Variants in OR1D2 observed in about 807,000 individuals in gnomAD.
OR1D2 encodes the protein olfactory receptor family 1 subfamily D member 2, also known as olfactory receptor 1D2.
For synonymous variants in OR1D2, 157 were observed against 153.9 expected (o/e 1.02, Z -0.15); for missense variants, 357 against 376.1 (o/e 0.95, Z 0.42).
At chr17:3,095,210 A>G (rs1490685209) in intron 1 of OR1D2, among the ~76,000 whole-genome samples, 2 of 152,154 alleles carry the variant, frequency 1.3e-5, no homozygotes, top group Non-Finnish European at 2.9e-5. Flanking sequence ...TAGACACATC[A>G]TAGTAAAAAG....
chr17:3,101,647 A>G (rs1421855622), intron 1 of OR1D2, among the ~76,000 whole-genome samples: 2 of 152,184 alleles, frequency 1.3e-5, no homozygotes, highest in East Asian at 3.9e-4. Flanking sequence ...CCTGCTCAAC[A>G]TAGTATTGGA....
rs1021802152 is a variant in OR1D2, at chr17:3,091,509, A to C, written c.*549T>G. Reference sequence around the variant, plus strand: ...ACTTCCCCGAGTAGACTGTGACCTCACATTTGTAACCCAGTTTGAGGCCTC... The same window carrying C: ...ACTTCCCCGAGTAGACTGTGACCTCCCATTTGTAACCCAGTTTGAGGCCTC... On this transcript the variant is annotated 3_prime_UTR_variant, in exon 2 of 2. Coordinates refer to ENST00000641833, the MANE Select transcript of OR1D2 (RefSeq NM_002548.3). The C allele has an allele frequency of 4.6e-5, 7 of 153,154 alleles. No individual in the cohort carries two copies. Among genetic ancestry groups the C allele is most frequent in the African/African-American group, 1.7e-4 (7 of 41,450 alleles). The allele number at this position is 153,154 out of a possible 1,614,324, so 9.5% of individuals were successfully genotyped here. A position where few individuals can be genotyped will look rare whatever the true frequency, so the allele number is the denominator to read the frequency against.
rs2047805719 is a variant in OR1D2, at chr17:3,091,221, T to A, written c.*837A>T. Reference sequence around the variant, plus strand: ...GGTGGATGAGAGATACAACTGTCGATTCCACCATCTTGTTGACATCACTCC... The same window carrying A: ...GGTGGATGAGAGATACAACTGTCGAATCCACCATCTTGTTGACATCACTCC... On this transcript the variant is annotated 3_prime_UTR_variant, in exon 2 of 2. Transcript: ENST00000641833. 2 of 152,210 alleles carry A rather than the reference T, an allele frequency of 1.3e-5. No homozygotes were observed. Among genetic ancestry groups the A allele is most frequent in the Non-Finnish European group, 2.9e-5 (2 of 68,042 alleles). The allele number at this position is 152,210 out of a possible 1,614,324, so 9.4% of individuals were successfully genotyped here. A position where few individuals can be genotyped will look rare whatever the true frequency, so the allele number is the denominator to read the frequency against.
chr17:3,096,550 G>A (rs1450142469), intron 1 of OR1D2, among the ~76,000 whole-genome samples: 6 of 152,164 alleles, frequency 3.9e-5, no homozygotes, highest in African/African-American at 1.4e-4. Context: ...ATGGCTTGAG[G>A]CCAAGAGTTC....
In OR1D2 at chr17:3,092,661, G is replaced by T. The variant is rs761679326; in HGVS notation, c.336C>A (p.Asn112Lys). ...CATATGCCATCACAGCCAGGATGAG[G>T]TTGTCCAGGGCCACCAAGGAGACCA... ...YFLVSLVALDNLILAVMAYDR... is the reference protein window; with the variant it reads ...YFLVSLVALDKLILAVMAYDR... Residue 112 changes from asparagine to lysine, a missense_variant, in exon 2 of 2, where the codon AAC becomes AAA. Coordinates refer to ENST00000641833, the MANE Select transcript of OR1D2 (RefSeq NM_002548.3). 2 of 1,614,030 alleles carry T rather than the reference G, an allele frequency of 1.2e-6. No individual in the cohort carries two copies. Among genetic ancestry groups the T allele is most frequent in the Non-Finnish European group, 1.7e-6 (2 of 1,180,010 alleles).
At chr17:3,102,468 C>T (rs1000648330) in intron 1 of OR1D2, among the ~76,000 whole-genome samples, 4 of 152,118 alleles carry the variant, frequency 2.6e-5, no homozygotes, top group African/African-American at 9.7e-5. Context: ...TACATACATA[C>T]CTACGGTGCT....
intron 1 of OR1D2, among the ~76,000 whole-genome samples, 151 bp downstream of exon 1, chr17:3,103,948 T>C (rs1307926656): frequency 6.6e-6 from 1 of 152,184 alleles, no homozygotes; most frequent in East Asian, 1.9e-4. Flanking sequence ...AAGGGATTGT[T>C]CTATTACCTT....
At chr17:3,103,191 G>A (rs4790427) in intron 1 of OR1D2, among the ~76,000 whole-genome samples, 38,493 of 152,038 alleles carry the variant, frequency 0.25, 7,306 homozygotes, top group African/African-American at 0.53. Flanking sequence ...GAACTCCCAG[G>A]GAAATTGAGA....
chr17:3,092,129 T>G lies in OR1D2; in HGVS notation c.868A>C (p.Ser290Arg), dbSNP rs778980568. 9 of 1,614,050 alleles carry G rather than the reference T, an allele frequency of 5.6e-6. No individual in the cohort carries two copies. The East Asian group carries it at 1.8e-4, about 32-fold the overall frequency. ...VTPMMNPFIYSLRNKDMHGAL... is the reference protein window; with the variant it reads ...VTPMMNPFIYRLRNKDMHGAL... ...CCATGCATGTCCTTGTTCCTCAGGCTGTAGATGAAGGGATTCATCATGGGT... is the reference window on the plus strand; with the variant it reads ...CCATGCATGTCCTTGTTCCTCAGGCGGTAGATGAAGGGATTCATCATGGGT... The change falls in exon 2 of 2, where the codon AGC becomes CGC. Residue 290 changes from serine to arginine, a missense_variant. Coordinates refer to ENST00000641833, the MANE Select transcript of OR1D2 (RefSeq NM_002548.3).
At position 3,092,001 on chromosome 17, in the gene OR1D2, A is replaced by G; in HGVS notation, c.*57T>C. On this transcript the variant is annotated 3_prime_UTR_variant, in exon 2 of 2. Coordinates refer to ENST00000641833, the MANE Select transcript of OR1D2 (RefSeq NM_002548.3). ...TGTATAACACACAGGACAATCCCTT[A>G]CATAGGGTGAAGGATATTCCTAGTC... 2.3e-6 allele frequency: 3 copies of G among 1,307,274 alleles called. No homozygotes were observed. Among genetic ancestry groups the G allele is most frequent in the South Asian group, 1.3e-5 (1 of 74,972 alleles). The allele number at this position is 1,307,274 out of a possible 1,614,324, so 81.0% of individuals were successfully genotyped here.
At chr17:3,101,006 G>A (rs2047872734) in intron 1 of OR1D2, among the ~76,000 whole-genome samples, 1 of 152,092 alleles carries the variant, frequency 6.6e-6, no homozygotes, top group African/African-American at 2.4e-5. Flanking sequence ...CCAATAACAA[G>A]TTCTGAAATT....
rs548903654 is a variant in OR1D2 at position 3,090,820 on chromosome 17, A to ATTTTTT, written c.*1232_*1237dup. On this transcript the variant is annotated 3_prime_UTR_variant, in exon 2 of 2. Transcript: ENST00000641833. ...ATTAAGAGCTCCCAACCATTTTCTT[A>ATTTTTT]TTTTTTTTTTTTCTTGTTCTTAGCT... 7.0e-6 allele frequency: 1 copy of ATTTTTT among 142,874 alleles called. No individual in the cohort carries two copies. The allele number at this position is 142,874 out of a possible 1,614,324, so 8.9% of individuals were successfully genotyped here.
intron 1 of OR1D2, among the ~76,000 whole-genome samples, chr17:3,094,952 T>G (rs902502516): frequency 1.3e-5 from 2 of 151,896 alleles, no homozygotes; most frequent in Non-Finnish European, 2.9e-5. Flanking sequence ...TAAGATAGAT[T>G]GATATCAAGC....
At position 3,103,253 on chromosome 17, in the gene OR1D2, T is replaced by C. The variant is rs189699687; in HGVS notation, c.-51+846A>G. Reference sequence around the variant, plus strand: ...CTTTTTTCTTCTTTCTTTTCCTTTCTTTTTTTTTGAAATGGAGTCTCACTC... The same window carrying C: ...CTTTTTTCTTCTTTCTTTTCCTTTCCTTTTTTTTGAAATGGAGTCTCACTC... On this transcript the variant is annotated intron_variant, in intron 1 of 1. Coordinates refer to ENST00000641833, the MANE Select transcript of OR1D2 (RefSeq NM_002548.3). 6.7e-4 allele frequency among the ~76,000 whole-genome samples: 101 copies of C among 151,564 alleles called. 1 individual carries two copies. Among genetic ancestry groups the C allele is most frequent in the African/African-American group, 2.4e-3 (100 of 41,346 alleles).
chr17:3,096,578 C>T (rs1000454884), intron 1 of OR1D2, among the ~76,000 whole-genome samples: 1 of 152,202 alleles, frequency 6.6e-6, no homozygotes, highest in Non-Finnish European at 1.5e-5. Context: ...GCCTGAGCAA[C>T]ATAGCAAGAC....
intron 1 of OR1D2, among the ~76,000 whole-genome samples, chr17:3,097,646 C>G (rs900541223): frequency 3.9e-5 from 6 of 152,202 alleles, no homozygotes; most frequent in Non-Finnish European, 8.8e-5. Flanking sequence ...TCTGCTTAAG[C>G]CTGCCAAGTT....
intron 1 of OR1D2, among the ~76,000 whole-genome samples, chr17:3,099,028 G>A (rs767610630): frequency 1.3e-5 from 2 of 152,252 alleles, no homozygotes; most frequent in Admixed American, 6.5e-5. Context: ...TATGGACTAC[G>A]TAAAAAGACT....
intron 1 of OR1D2, among the ~76,000 whole-genome samples, chr17:3,100,126 T>C (rs890037056): frequency 7.9e-5 from 12 of 152,168 alleles, no homozygotes; most frequent in African/African-American, 2.9e-4. Flanking sequence ...ATTAGATCAA[T>C]GAGACTGAAA....
Position 3,091,880 on chromosome 17 carries a change from G to A in OR1D2, c.*178C>T. 1 of 569,248 alleles carries A rather than the reference G, an allele frequency of 1.8e-6. No individual in the cohort carries two copies. The highest frequency in any genetic ancestry group is 2.5e-5 in the South Asian group (1 of 40,338). The allele number at this position is 569,248 out of a possible 1,614,324, so 35.3% of individuals were successfully genotyped here. On this transcript the variant is annotated 3_prime_UTR_variant, in exon 2 of 2. Coordinates refer to ENST00000641833, the MANE Select transcript of OR1D2 (RefSeq NM_002548.3). ...TGTGACCTTATTTACGGCCAAGGCT[G>A]ATGAGACCTGGGGGACACCAGGTTA... is the stretch of plus-strand genomic sequence containing the variant.
Sources: gnomAD v4.1 joint callset for allele counts (sites outside exome capture counted in the v4.1 genomes callset) on GRCh38, gnomAD v4.1.1 for gene constraint, MANE v1.5 for transcripts, NCBI Gene and HGNC (gene_info 2026-07-23, HGNC 2026-07-21) for gene names.